TMEM108: variants seen among roughly 807,000 people sequenced by gnomAD.
The protein encoded by TMEM108 is transmembrane protein 108.
In TMEM108, 12 loss-of-function variants were observed where a neutral mutation model predicts 35.1. The observed-to-expected ratio is 0.34, with a 90% CI of 0.22 to 0.55. The LOEUF is 0.55. TMEM108 is among the 20% of genes least tolerant of loss of function. TMEM108 has a pLI of 0.89. For synonymous variants in TMEM108, 287 were observed against 308.6 expected, an observed-to-expected ratio of 0.93 and a Z score of 0.73; for missense variants, 680 against 753.3, an observed-to-expected ratio of 0.90 and a Z score of 1.14.
rs116117582 is a variant in TMEM108 at position 133,388,682 on chromosome 3, A to G, written c.1451-1498A>G. 2.0e-3 allele frequency: 2,018 copies of G among 985,448 alleles called. 33 individuals are homozygous for G. In the African/African-American group the frequency reaches 0.032, roughly 16 times the overall value. The allele number at this position is 985,448 out of a possible 1,614,324, so 61.0% of individuals were successfully genotyped here. The stretch of plus-strand genomic sequence containing the variant: ...ATAAGATAAAGTAGAAACTTACCCT[A>G]TCTCCTAACCTTGTACAGAGACCTT... On this transcript the variant is annotated intron_variant, in intron 4 of 5. Transcript: ENST00000321871.
chr3:133,125,617 A>G (rs1944405424), intron 2 of TMEM108, among the ~76,000 whole-genome samples: 1 of 152,218 alleles, frequency 6.6e-6, no homozygotes, highest in Admixed American at 6.5e-5. Context: ...CTTAATTATC[A>G]GTCAGTCAAT....
At chr3:133,204,691 T>G (rs1945724909) in intron 2 of TMEM108, among the ~76,000 whole-genome samples, 1 of 152,236 alleles carries the variant, frequency 6.6e-6, no homozygotes, top group South Asian at 2.1e-4. Flanking sequence ...TACATTCTTT[T>G]ACATTTGCTG....
At chr3:133,251,387 T>C (rs1322485556) in intron 3 of TMEM108, among the ~76,000 whole-genome samples, 1 of 152,162 alleles carries the variant, frequency 6.6e-6, no homozygotes, top group Admixed American at 6.5e-5. Context: ...TAAGATAAGG[T>C]CTCTAAAGAG....
chr3:133,050,269 T>C (rs1211101185), intron 2 of TMEM108, among the ~76,000 whole-genome samples: 5 of 152,162 alleles, frequency 3.3e-5, no homozygotes, highest in African/African-American at 1.2e-4. Flanking sequence ...GCTGTTTTTC[T>C]TTTGATGGAT....
intron 2 of TMEM108, among the ~76,000 whole-genome samples, chr3:133,175,035 G>A (rs1945195339): frequency 6.6e-6 from 1 of 152,198 alleles, no homozygotes; most frequent in Non-Finnish European, 1.5e-5. Context: ...GAATGCACAA[G>A]CCTCAGTAAC....
intron 2 of TMEM108, among the ~76,000 whole-genome samples, chr3:133,075,133 C>T (rs1003045771): frequency 3.9e-5 from 6 of 152,148 alleles, no homozygotes; most frequent in African/African-American, 7.2e-5. Context: ...TCCATCTGTT[C>T]GGCCAGGGAT....
At chr3:133,057,435 G>GTGTA (rs1559818400) in intron 2 of TMEM108, among the ~76,000 whole-genome samples, 7 of 45,726 alleles carry the variant, frequency 1.5e-4, no homozygotes, top group Non-Finnish European at 2.2e-4. Flanking sequence ...GTGTGTGTGT[G>GTGTA]TATATATATA....
At chr3:133,390,730 C>G (rs981155088) in intron 5 of TMEM108, among the ~76,000 whole-genome samples, 11 of 95,796 alleles carry the variant, frequency 1.1e-4, no homozygotes, top group African/African-American at 3.1e-4. Context: ...AAAACAAAGC[C>G]AATTAGGGGA....
intron 2 of TMEM108, among the ~76,000 whole-genome samples, chr3:133,176,375 T>C (rs1254668697): frequency 6.6e-6 from 1 of 152,182 alleles, no homozygotes; most frequent in Non-Finnish European, 1.5e-5. Flanking sequence ...ATACATTTTT[T>C]TCAGCACCAC....
At chr3:133,381,184 C>T (rs761144866) in intron 4 of TMEM108, 23 bp downstream of exon 4, 3 of 1,566,304 alleles carry the variant, frequency 1.9e-6, no homozygotes, top group East Asian at 4.5e-5. Flanking sequence ...CTCTCCCACC[C>T]ATCCTCTCCC....
At chr3:133,212,906 A>G (rs1020078637) in intron 2 of TMEM108, among the ~76,000 whole-genome samples, 2 of 150,794 alleles carry the variant, frequency 1.3e-5, no homozygotes, top group Admixed American at 6.6e-5. Flanking sequence ...AAGAAAGAAG[A>G]GAAAGAAAAT....
At chr3:133,392,644 G>A (rs1619622) in intron 5 of TMEM108, among the ~76,000 whole-genome samples, 1 of 151,762 alleles carries the variant, frequency 6.6e-6, no homozygotes, top group Non-Finnish European at 1.5e-5. Context: ...CCTTGATTTC[G>A]CCCTCCCAAC....
At chr3:133,068,264 T>C (rs1331779688) in intron 2 of TMEM108, among the ~76,000 whole-genome samples, 2 of 152,126 alleles carry the variant, frequency 1.3e-5, no homozygotes, top group Non-Finnish European at 2.9e-5. Context: ...GCAGGTGAAC[T>C]TAGCTGAGAC....
At chr3:133,078,457 G>A (rs995645423) in intron 2 of TMEM108, among the ~76,000 whole-genome samples, 9 of 152,074 alleles carry the variant, frequency 5.9e-5, no homozygotes, top group Non-Finnish European at 1.5e-5. Context: ...GAGTGGCTAG[G>A]GTCTTTGTAG....
chr3:133,066,196 G>A (rs1943605001), intron 2 of TMEM108, among the ~76,000 whole-genome samples: 1 of 151,726 alleles, frequency 6.6e-6, no homozygotes, highest in Admixed American at 6.6e-5. Flanking sequence ...AATTTAATTG[G>A]TGTTATGCTG....
At chr3:133,327,746 G>T (rs1482911419) in intron 3 of TMEM108, among the ~76,000 whole-genome samples, 1 of 152,084 alleles carries the variant, frequency 6.6e-6, no homozygotes, top group Admixed American at 6.6e-5. Flanking sequence ...CAGAGGTAAG[G>T]CTCATTTCTG....
intron 2 of TMEM108, among the ~76,000 whole-genome samples, chr3:133,131,389 A>G (rs1258934255): frequency 6.7e-6 from 1 of 150,162 alleles, no homozygotes; most frequent in African/African-American, 2.5e-5. Flanking sequence ...GTCTATCAAC[A>G]CCTATTTCCA....
chr3:133,317,156 T>C (rs2071209876), intron 3 of TMEM108, among the ~76,000 whole-genome samples: 2 of 152,334 alleles, frequency 1.3e-5, no homozygotes, highest in South Asian at 4.1e-4. Context: ...ACATTCTCTG[T>C]GTATCCACAG....
At chr3:133,105,475 G>A (rs534749326) in intron 2 of TMEM108, among the ~76,000 whole-genome samples, 3 of 152,132 alleles carry the variant, frequency 2.0e-5, no homozygotes, top group African/African-American at 4.8e-5. Context: ...TTAAGGACTC[G>A]GGTGATTACA....
Sources: gnomAD v4.1 joint callset for allele counts (sites outside exome capture counted in the v4.1 genomes callset) on GRCh38, gnomAD v4.1.1 for gene constraint, MANE v1.5 for transcripts, NCBI Gene and HGNC (gene_info 2026-07-23, HGNC 2026-07-21) for gene names.